LDB2: variants seen among roughly 807,000 people sequenced by gnomAD.
LDB2 encodes LIM domain-binding protein 2.
Under a neutral mutation model 44.3 loss-of-function variants are expected in LDB2, and 12 were observed. The ratio of observed to expected loss-of-function variants is 0.27; its 90% confidence interval spans 0.17 to 0.44. The LOEUF (loss-of-function observed/expected upper bound fraction) is 0.44, where lower values mean the gene tolerates loss of function less well. LDB2 is among the 20% of genes least tolerant of loss of function. The probability of loss-of-function intolerance (pLI) is 1.00; values close to 1 mark genes in which losing one functional copy is unlikely to be tolerated. For missense variants in LDB2, 344 were observed against 473.5 expected, an observed-to-expected ratio of 0.73 and a Z score of 2.54; for synonymous variants, 164 against 174.8, an observed-to-expected ratio of 0.94 and a Z score of 0.49.
chr4:16,710,765 A>G (rs1755688945), intron 2 of LDB2, among the ~76,000 whole-genome samples: 1 of 152,202 alleles, frequency 6.6e-6, no homozygotes. Flanking sequence ...TTGTTAGGCC[A>G]AGGGTCATCC....
intron 1 of LDB2, among the ~76,000 whole-genome samples, chr4:16,793,165 G>C (rs1776105050): frequency 6.6e-6 from 1 of 152,220 alleles, no homozygotes; most frequent in Non-Finnish European, 1.5e-5. Context: ...GCTTCCTTCA[G>C]CTGACAAAAG....
chr4:16,675,084 A>T (rs994987877), intron 2 of LDB2, among the ~76,000 whole-genome samples: 6 of 152,156 alleles, frequency 3.9e-5, no homozygotes, highest in African/African-American at 1.4e-4. Context: ...TTTATTTTTT[A>T]AAAACTTTTA....
At chr4:16,761,812 GC>G (rs1168145682) in intron 1 of LDB2, among the ~76,000 whole-genome samples, 1 of 151,958 alleles carries the variant, frequency 6.6e-6, no homozygotes, top group Non-Finnish European at 1.5e-5. Flanking sequence ...CATATCTAGG[GC>G]AGGAGGCATT....
At chr4:16,893,076 G>T in intron 1 of LDB2, 1 of 972,714 alleles carries the variant, frequency 1.0e-6, no homozygotes, top group Non-Finnish European at 1.2e-6. Context: ...CTTACAATTG[G>T]TTTTCTGAGG....
chr4:16,515,300 T>G (rs1723221210), intron 5 of LDB2, among the ~76,000 whole-genome samples: 1 of 152,150 alleles, frequency 6.6e-6, no homozygotes, highest in Non-Finnish European at 1.5e-5. Context: ...GAGGGAGGGT[T>G]GAAAAACTAC....
intron 2 of LDB2, among the ~76,000 whole-genome samples, chr4:16,747,347 C>G (rs1764601413): frequency 6.6e-6 from 1 of 152,080 alleles, no homozygotes; most frequent in African/African-American, 2.4e-5. Context: ...AGTACAGTGT[C>G]TAGAAGTGTG....
intron 5 of LDB2, among the ~76,000 whole-genome samples, chr4:16,514,109 A>G (rs1406663250): frequency 6.6e-6 from 1 of 151,986 alleles, no homozygotes; most frequent in African/African-American, 2.4e-5. Flanking sequence ...ATTAGGTCAT[A>G]CTCTCTTTGT....
intron 2 of LDB2, among the ~76,000 whole-genome samples, chr4:16,604,503 G>T (rs1297902757): frequency 6.7e-6 from 1 of 148,542 alleles, no homozygotes; most frequent in East Asian, 1.9e-4. Context: ...CAATAACTTT[G>T]CAATAACATG....
intron 2 of LDB2, among the ~76,000 whole-genome samples, chr4:16,715,237 A>T (rs1290149407): frequency 6.6e-6 from 1 of 152,190 alleles, no homozygotes; most frequent in Non-Finnish European, 1.5e-5. Context: ...TACACACTCA[A>T]ACAAGGATTC....
intron 5 of LDB2, among the ~76,000 whole-genome samples, chr4:16,569,995 C>T (rs1414153325): frequency 2.0e-5 from 3 of 152,122 alleles, no homozygotes; most frequent in Admixed American, 6.5e-5. Context: ...AGTTAACAGC[C>T]TTCGCAGAAG....
chr4:16,679,036 A>G (rs2152565837), intron 2 of LDB2, among the ~76,000 whole-genome samples: 1 of 152,370 alleles, frequency 6.6e-6, no homozygotes, highest in Non-Finnish European at 1.5e-5. Flanking sequence ...TATAGAGACA[A>G]ATCATATATA....
At chr4:16,669,836 A>T (rs1744259317) in intron 2 of LDB2, among the ~76,000 whole-genome samples, 1 of 152,172 alleles carries the variant, frequency 6.6e-6, no homozygotes, top group African/African-American at 2.4e-5. Flanking sequence ...AATTTTTGTC[A>T]CTGCCAGTGT....
chr4:16,569,402 G>A (rs1745611897), intron 5 of LDB2, among the ~76,000 whole-genome samples: 1 of 152,132 alleles, frequency 6.6e-6, no homozygotes, highest in South Asian at 2.1e-4. Flanking sequence ...GCTGCTTCTT[G>A]AGTAGACTTT....
intron 1 of LDB2, among the ~76,000 whole-genome samples, chr4:16,825,651 C>T (rs1459361982): frequency 6.6e-6 from 1 of 151,968 alleles, no homozygotes; most frequent in African/African-American, 2.4e-5. Flanking sequence ...ATAGCCAAAC[C>T]AGTCAATAGG....
chr4:16,741,143 G>A (rs1057410351), intron 2 of LDB2, among the ~76,000 whole-genome samples: 1 of 152,198 alleles, frequency 6.6e-6, no homozygotes, highest in Admixed American at 6.5e-5. Flanking sequence ...TCCAGGGATG[G>A]TGAGCTCTGC....
intron 2 of LDB2, among the ~76,000 whole-genome samples, chr4:16,640,019 C>T (rs1734707016): frequency 6.6e-6 from 1 of 152,212 alleles, no homozygotes; most frequent in Non-Finnish European, 1.5e-5. Context: ...CCCAAATTTT[C>T]ATCTATCCAT....
chr4:16,888,665 ATTAC>A (rs1376468018), intron 1 of LDB2: 2 of 954,100 alleles, frequency 2.1e-6, no homozygotes, highest in African/African-American at 3.5e-5. Context: ...AATGTTTGGC[ATTAC>A]TTACATTATT....
chr4:16,630,507 G>T (rs960133300), intron 2 of LDB2, among the ~76,000 whole-genome samples: 3 of 152,036 alleles, frequency 2.0e-5, no homozygotes, highest in African/African-American at 7.2e-5. Context: ...GACCATCAAC[G>T]CCGTATAAAG....
intron 1 of LDB2, among the ~76,000 whole-genome samples, chr4:16,859,349 G>T (rs916184703): frequency 7.2e-5 from 11 of 152,202 alleles, no homozygotes; most frequent in Non-Finnish European, 1.2e-4. Flanking sequence ...AAGGCTGGTG[G>T]TATGCCCTGG....
Sources: allele counts gnomAD v4.1 joint callset (sites outside exome capture counted in the v4.1 genomes callset), GRCh38; gene constraint gnomAD v4.1.1; transcripts MANE v1.5; gene names NCBI Gene and HGNC (gene_info 2026-07-23, HGNC 2026-07-21).